The following KLF5 variants were observed in gnomAD, a reference collection of about 807,000 sequenced individuals.
The protein encoded by KLF5 is KLF transcription factor 5.
KLF5 carries 9 observed loss-of-function variants against 36.9 expected under a neutral mutation model. The ratio of observed to expected loss-of-function variants is 0.24; its 90% CI spans 0.15 to 0.43. The LOEUF is 0.43. Among genes scored for constraint, KLF5 ranks in the 20% least tolerant of loss-of-function variants. KLF5 has a pLI of 1.00. For synonymous variants in KLF5, 246 were observed against 241.7 expected (o/e 1.02, Z -0.17); for missense variants, 524 against 599.5 (o/e 0.87, Z 1.31).
chr13:73,074,374 C>T (rs1403314907), intron 3 of KLF5, among the ~76,000 whole-genome samples: 4 of 151,296 alleles, frequency 2.6e-5, no homozygotes, highest in Non-Finnish European at 5.9e-5. Context: ...TCTGAGGTTC[C>T]TCCCTTTCAG....
chr13:73,069,138 CAATA>C (rs923925585), intron 3 of KLF5, among the ~76,000 whole-genome samples: 7 of 152,118 alleles, frequency 4.6e-5, no homozygotes, highest in Admixed American at 1.3e-4. Flanking sequence ...ATAATATTGA[CAATA>C]AAGATATTTT....
chr13:73,067,508 G>A (rs1304550126), intron 3 of KLF5, among the ~76,000 whole-genome samples: 5 of 152,220 alleles, frequency 3.3e-5, no homozygotes, highest in African/African-American at 9.6e-5. Flanking sequence ...CTTCATGTGC[G>A]TGGATATACA....
At chr13:73,063,720 C>T in intron 2 of KLF5, 104 bp from the exon 3 acceptor site, 2 of 785,524 alleles carry the variant, frequency 2.5e-6, no homozygotes, top group Non-Finnish European at 4.4e-6. Flanking sequence ...TCTCATCTAG[C>T]ATGAGAGATT....
intron 3 of KLF5, among the ~76,000 whole-genome samples, chr13:73,074,470 A>G (rs1236957123): frequency 6.6e-6 from 1 of 152,192 alleles, no homozygotes; most frequent in Non-Finnish European, 1.5e-5. Context: ...TTTAATATAC[A>G]AATTTATCTC....
chr13:73,069,445 A>G (rs1265933137), intron 3 of KLF5, among the ~76,000 whole-genome samples: 2 of 152,206 alleles, frequency 1.3e-5, no homozygotes, highest in Non-Finnish European at 2.9e-5. Context: ...CAGAGGAAGT[A>G]TCACATTTAT....
At chr13:73,069,325 G>C (rs2044706038) in intron 3 of KLF5, among the ~76,000 whole-genome samples, 1 of 152,060 alleles carries the variant, frequency 6.6e-6, no homozygotes, top group Non-Finnish European at 1.5e-5. Context: ...AAATAATAGT[G>C]GTTAAATGTG....
In KLF5 at chr13:73,062,718, C is replaced by T. The variant is rs1478506909; in HGVS notation, c.1119C>T (p.His373=). 1 of 1,613,846 alleles carries T rather than the reference C, an allele frequency of 6.2e-7. No individual in the cohort carries two copies. Among genetic ancestry groups the T allele is most frequent in the South Asian group, 1.1e-5 (1 of 91,070 alleles). The change falls in exon 2 of 4, where the codon CAC becomes CAT. Residue 373 remains histidine, a synonymous_variant. Coordinates refer to ENST00000377687, the MANE Select transcript of KLF5 (RefSeq NM_001730.5). The part of the protein sequence containing the change: ...SNPDLEKRRI[H]YCDYPGCTKV... ...CCGATTTGGAGAAACGACGCATCCA[C>T]TACTGCGATTACCCTGGTATGTGCT...
Position 73,066,643 on chromosome 13 carries a change from T to C in KLF5, c.1195+2760T>C, listed in dbSNP as rs914181036. Among the ~76,000 whole-genome samples, 11 of 152,328 alleles carry C rather than the reference T, an allele frequency of 7.2e-5. No homozygotes were observed. In the East Asian group the frequency reaches 1.3e-3, roughly 19 times the overall value. ...ACAGCCTACATCTGAGTTTAATTAC[T>C]TCTTCTGGATTTTTAGATTGGAAGT... On this transcript the variant is annotated intron_variant, in intron 3 of 3. Transcript: ENST00000377687.
chr13:73,063,278 T>A (rs2044653751), intron 2 of KLF5, among the ~76,000 whole-genome samples: 7 of 152,180 alleles, frequency 4.6e-5, no homozygotes, highest in Admixed American at 3.3e-4. Flanking sequence ...GAGCATATGC[T>A]CAGTTTTGAA....
chr13:73,056,062 A>G (rs11616796), upstream of KLF5, among the ~76,000 whole-genome samples: 50,087 of 151,702 alleles, frequency 0.33, 9,573 homozygotes, highest in East Asian at 0.7. Context: ...CTATTTATCT[A>G]TTTTTTTCCA....
chr13:73,059,501 G>A lies in KLF5; in HGVS notation c.174G>A (p.Pro58=), dbSNP rs1457315484. ...AGCTGAAGCACGCGCACCACCGCCC[G>A]CAGGCGCAGCCCGCGCCCGCGCAGG... The part of the protein sequence containing the change: ...GEELKHAHHR[P]QAQPAPAQAP... The change falls in exon 1 of 4, where the codon CCG becomes CCA. Residue 58 remains proline, a synonymous_variant. Transcript: ENST00000377687. The A allele has an allele frequency of 1.6e-6, 2 of 1,224,502 alleles. No homozygotes were observed. The highest frequency in any genetic ancestry group is 4.3e-5 in the Admixed American group (1 of 23,294). The allele number at this position is 1,224,502 out of a possible 1,614,324, so 75.9% of individuals were successfully genotyped here. A position where few individuals can be genotyped will look rare whatever the true frequency, so the allele number is the denominator to read the frequency against.
chr13:73,062,495 A>G lies in KLF5; in HGVS notation c.896A>G (p.Tyr299Cys). The change falls in exon 2 of 4, where the codon TAC becomes TGC. Residue 299 changes from tyrosine to cysteine, a missense_variant. By Grantham distance (194) the Tyr-to-Cys change is radical. Coordinates refer to ENST00000377687, the MANE Select transcript of KLF5 (RefSeq NM_001730.5). ...PSQFLPQQAT[Y>C]FPPSPPSSEP... ...CAGTTTCTTCCACAACAGGCCACTT[A>G]CTTTCCCCCGTCACCACCAAGCTCA... 6.2e-7 allele frequency: 1 copy of G among 1,614,182 alleles called. No homozygotes were observed. Among genetic ancestry groups the G allele is most frequent in the Non-Finnish European group, 8.5e-7 (1 of 1,180,032 alleles).
chr13:73,063,891 ATTTTC>A lies in KLF5; in HGVS notation c.1195+11_1195+15del, dbSNP rs751384354. On this transcript the variant is annotated intron_variant, in intron 3 of 3. Coordinates refer to ENST00000377687, the MANE Select transcript of KLF5 (RefSeq NM_001730.5). ...ACCTGAGGACTCACACTGGTATGTAATTTTCTTGTTAATTCTGTGAGTTGTGTAAA... is the reference window on the plus strand; with the variant it reads ...ACCTGAGGACTCACACTGGTATGTAATTGTTAATTCTGTGAGTTGTGTAAA... 1 of 1,571,132 alleles carries A rather than the reference ATTTTC, an allele frequency of 6.4e-7. No homozygotes were observed. The highest frequency in any genetic ancestry group is 8.8e-7 in the Non-Finnish European group (1 of 1,141,760).
chr13:73,074,423 A>G (rs925675130), intron 3 of KLF5, among the ~76,000 whole-genome samples: 15 of 152,230 alleles, frequency 9.9e-5, no homozygotes, highest in Middle Eastern at 3.4e-3. Flanking sequence ...GAGGTGAAAA[A>G]GTATCTATAT....
chr13:73,072,283 A>G (rs1423871597), intron 3 of KLF5, among the ~76,000 whole-genome samples: 1 of 152,192 alleles, frequency 6.6e-6, no homozygotes, highest in Non-Finnish European at 1.5e-5. Flanking sequence ...TGGCTTACAA[A>G]CATGTTCCAC....
rs1432377960 is a variant in KLF5, at chr13:73,062,354, T to C, written c.755T>C (p.Leu252Pro). ...STNQTAAMDT[L>P]NVSMSAAMAG... ...AATCAGACAGCAGCAATGGACACTCTTAATGTTTCTATGTCAGCTGCCATG... is the reference window on the plus strand; with the variant it reads ...AATCAGACAGCAGCAATGGACACTCCTAATGTTTCTATGTCAGCTGCCATG... Residue 252 changes from leucine to proline, a missense_variant, in exon 2 of 4, where the codon CTT becomes CCT. Coordinates refer to ENST00000377687, the MANE Select transcript of KLF5 (RefSeq NM_001730.5). 2.5e-6 allele frequency: 4 copies of C among 1,614,094 alleles called. No individual in the cohort carries two copies. The African/African-American group carries it at 5.3e-5, about 22-fold the overall frequency.
At chr13:73,055,111 C>G (rs552455855), upstream of KLF5, 4 of 152,256 alleles carry the variant, frequency 2.6e-5, no homozygotes, top group South Asian at 8.3e-4. Context: ...CTTTTGTCTA[C>G]TTATTATACT....
chr13:73,060,154 C>T lies in KLF5; in HGVS notation c.261+566C>T, dbSNP rs868166524. On this transcript the variant is annotated intron_variant, in intron 1 of 3. Coordinates refer to ENST00000377687, the MANE Select transcript of KLF5 (RefSeq NM_001730.5). ...AGGTTGTGTCGGAGCGCTTATTTTT[C>T]CTTAAAAAAAAAAAAAAAAAAAAAA... Among the ~76,000 whole-genome samples the T allele has an allele frequency of 4.1e-3, 394 of 96,768 alleles. 1 individual carries two copies. Among genetic ancestry groups the T allele is most frequent in the Admixed American group, 0.015 (131 of 8,682 alleles). The allele number at this position is 96,768 out of a possible 152,430, so 63.5% of individuals were successfully genotyped here. A position where few individuals can be genotyped will look rare whatever the true frequency, so the allele number is the denominator to read the frequency against.
chr13:73,073,185 G>T (rs2044734430), intron 3 of KLF5, among the ~76,000 whole-genome samples: 2 of 152,178 alleles, frequency 1.3e-5, no homozygotes, highest in Admixed American at 1.3e-4. Context: ...AGGAAGAAAG[G>T]CCCAAGTCTG....
Sources: gnomAD v4.1 joint callset for allele counts (sites outside exome capture counted in the v4.1 genomes callset) on GRCh38, gnomAD v4.1.1 for gene constraint, MANE v1.5 for transcripts, NCBI Gene and HGNC (gene_info 2026-07-23, HGNC 2026-07-21) for gene names.